The following PCNX2 variants were observed in gnomAD, a reference collection of about 807,000 sequenced individuals.
The protein encoded by PCNX2 is pecanex 2.
PCNX2 carries 168 observed loss-of-function variants against 223.8 expected under a neutral mutation model. The ratio of observed to expected loss-of-function variants is 0.75; its 90% CI spans 0.66 to 0.85. The LOEUF is 0.85. Among genes scored for constraint, PCNX2 ranks in the 40% least tolerant of loss-of-function variants. The pLI is 0.00. For synonymous variants in PCNX2, 1,006 were observed against 1,052.6 expected, an observed-to-expected ratio of 0.96 and a Z score of 0.86; for missense variants, 2,507 against 2,675.5, an observed-to-expected ratio of 0.94 and a Z score of 1.39.
intron 22 of PCNX2, among the ~76,000 whole-genome samples, chr1:233,093,093 C>T (rs1447385811): frequency 6.6e-6 from 1 of 152,284 alleles, no homozygotes; most frequent in South Asian, 2.1e-4. Context: ...GCCACTGTGC[C>T]CAGCCAGAAA....
intron 25 of PCNX2, among the ~76,000 whole-genome samples, chr1:233,034,977 G>A (rs561907346): frequency 1.1e-4 from 17 of 152,192 alleles, no homozygotes; most frequent in Non-Finnish European, 1.8e-4. Context: ...CTGGGATTAA[G>A]GGGAACAGAC....
intron 21 of PCNX2, among the ~76,000 whole-genome samples, chr1:233,125,190 T>G (rs1276797088): frequency 6.6e-6 from 1 of 152,230 alleles, no homozygotes; most frequent in Non-Finnish European, 1.5e-5. Context: ...TGAGCTTTGA[T>G]CTCTGAAGGC....
chr1:233,061,756 G>A (rs1237021772), intron 23 of PCNX2, among the ~76,000 whole-genome samples: 1 of 151,714 alleles, frequency 6.6e-6, no homozygotes, highest in Non-Finnish European at 1.5e-5. Flanking sequence ...TTATTGTTTT[G>A]TATTTGTTTT....
At position 233,090,078 on chromosome 1, in the gene PCNX2, G is replaced by A; in HGVS notation, c.4059C>T (p.Phe1353=). The A allele has an allele frequency of 6.2e-7, 1 of 1,613,742 alleles. No individual in the cohort carries two copies. Among genetic ancestry groups the A allele is most frequent in the Non-Finnish European group, 8.5e-7 (1 of 1,179,842 alleles). ...GATCTTACTTGTAGTTTTTCTCCCA[G>A]AATTTCACTGGCCTGACATATGATG... ...FITSYVRPVK[F]WEKNYNTRRV... The change falls in exon 23 of 34, where the codon TTC becomes TTT. Residue 1353 remains phenylalanine (F), a synonymous_variant. Transcript: ENST00000258229.
In PCNX2 at chr1:233,069,542, T is replaced by G. The variant is rs541631627; in HGVS notation, c.4077-12252A>C. On this transcript the variant is annotated intron_variant, in intron 23 of 33. Transcript: ENST00000258229. ...AACCATAATGGACTTAAACTAGAAA[T>G]ACATAACACAAAGAAAACAGGAAAA... 2.0e-5 allele frequency among the ~76,000 whole-genome samples: 3 copies of G among 151,508 alleles called. No homozygotes were observed. In the East Asian group the frequency reaches 5.8e-4, roughly 29 times the overall value.
rs777629759 is a variant in PCNX2, at chr1:233,217,852, AAC to A, written c.2691+45_2691+46del. On this transcript the variant is annotated intron_variant, in intron 12 of 33. Transcript: ENST00000258229. The stretch of plus-strand genomic sequence containing the variant: ...AGATTTTGGCTTTTTCCCTGTCTTC[AAC>A]ACAGACAGACAAGAAAAGCTACTTG... 9 of 1,611,752 alleles carry A rather than the reference AAC, an allele frequency of 5.6e-6. No individual in the cohort carries two copies. In the African/African-American group the frequency reaches 9.4e-5, roughly 17 times the overall value.
intron 17 of PCNX2, among the ~76,000 whole-genome samples, chr1:233,169,972 T>C (rs1572011788): frequency 6.6e-6 from 1 of 152,324 alleles, no homozygotes; most frequent in Non-Finnish European, 1.5e-5. Context: ...CCATACTATA[T>C]GCATTATTTT....
intron 21 of PCNX2, among the ~76,000 whole-genome samples, chr1:233,109,360 A>G (rs1206569337): frequency 6.6e-6 from 1 of 152,248 alleles, no homozygotes; most frequent in Non-Finnish European, 1.5e-5. Flanking sequence ...GATGACACAT[A>G]TAGTGGAACG....
intron 7 of PCNX2, among the ~76,000 whole-genome samples, chr1:233,252,108 G>A (rs148910242): frequency 2.4e-4 from 37 of 152,318 alleles, no homozygotes; most frequent in African/African-American, 8.2e-4. Flanking sequence ...CAGGAGAGGT[G>A]TCCCTGAAAA....
chr1:233,111,153 T>TCC (rs1345554370), intron 21 of PCNX2, among the ~76,000 whole-genome samples: 3 of 152,154 alleles, frequency 2.0e-5, no homozygotes, highest in Non-Finnish European at 4.4e-5. Flanking sequence ...GCAGCAAGAA[T>TCC]GGGCACTGGA....
At chr1:233,020,227 A>G (rs932008377) in intron 26 of PCNX2, among the ~76,000 whole-genome samples, 6 of 152,226 alleles carry the variant, frequency 3.9e-5, no homozygotes, top group Non-Finnish European at 7.3e-5. Context: ...CTAGATGCTC[A>G]GTTTTCTAAA....
At chr1:233,016,367 TCTC>T (rs1670655141) in intron 27 of PCNX2, among the ~76,000 whole-genome samples, 1 of 152,104 alleles carries the variant, frequency 6.6e-6, no homozygotes, top group South Asian at 2.1e-4. Context: ...CCCTCCCCCT[TCTC>T]CTCCTCCCCT....
chr1:233,097,873 AG>A (rs1197389403), intron 21 of PCNX2, among the ~76,000 whole-genome samples: 3 of 152,182 alleles, frequency 2.0e-5, no homozygotes, highest in African/African-American at 7.2e-5. Context: ...CCCAACTAGA[AG>A]GGGAACACAT....
At chr1:233,054,146 T>G (rs1248703503) in intron 25 of PCNX2, 122 bp downstream of exon 25, 1 of 809,902 alleles carries the variant, frequency 1.2e-6, no homozygotes, top group African/African-American at 1.7e-5. Flanking sequence ...GGTGGCAAGC[T>G]CACTTTCAGT....
chr1:233,178,995 G>A, intron 16 of PCNX2, 71 bp downstream of exon 16: 7 of 1,372,478 alleles, frequency 5.1e-6, no homozygotes, highest in Non-Finnish European at 7.1e-6. Context: ...GCCCATCTCA[G>A]TCAGGGCACA....
intron 32 of PCNX2, among the ~76,000 whole-genome samples, chr1:232,994,135 T>C (rs758211710): frequency 6.6e-6 from 1 of 152,152 alleles, no homozygotes; most frequent in Non-Finnish European, 1.5e-5. Context: ...ATCCTCCAGA[T>C]CCCAGAAAGG....
intron 17 of PCNX2, among the ~76,000 whole-genome samples, chr1:233,175,015 G>GA (rs1679391447): frequency 6.6e-6 from 1 of 152,166 alleles, no homozygotes; most frequent in South Asian, 2.1e-4. Flanking sequence ...CAGGCCAGAT[G>GA]AATCAGAATA....
At chr1:233,112,619 A>G (rs559164740) in intron 21 of PCNX2, among the ~76,000 whole-genome samples, 1 of 152,360 alleles carries the variant, frequency 6.6e-6, no homozygotes, top group African/African-American at 2.4e-5. Flanking sequence ...TCTCTCTTTC[A>G]GCAGAGAATG....
chr1:232,998,534 G>A, intron 31 of PCNX2, 96 bp from the exon 32 acceptor site: 6 of 1,405,902 alleles, frequency 4.3e-6, no homozygotes, highest in Non-Finnish European at 5.8e-6. Context: ...GGATCGAAGA[G>A]CGTGCTCTCC....
Sources: gnomAD v4.1 joint callset for allele counts (sites outside exome capture counted in the v4.1 genomes callset) on GRCh38, gnomAD v4.1.1 for gene constraint, MANE v1.5 for transcripts, NCBI Gene and HGNC (gene_info 2026-07-23, HGNC 2026-07-21) for gene names.